The following HS1BP3 variants were observed in gnomAD, a reference collection of about 807,000 sequenced individuals.
HS1BP3 encodes HCLS1 binding protein 3.
Under a neutral mutation model 33.5 loss-of-function variants are expected in HS1BP3, and 32 were observed. The observed-to-expected ratio is 0.95, with a 90% CI of 0.72 to 1.28. HS1BP3 has a LOEUF of 1.28. HS1BP3 is among the 50% of genes most tolerant of loss of function. The pLI is 0.00. For synonymous variants in HS1BP3, 187 were observed against 209.2 expected, an observed-to-expected ratio of 0.89 and a Z score of 0.92; for missense variants, 486 against 502.3, an observed-to-expected ratio of 0.97 and a Z score of 0.31.
downstream of HS1BP3, among the ~76,000 whole-genome samples, chr2:20,589,681 G>T (rs191907463): frequency 4.6e-5 from 7 of 152,312 alleles, no homozygotes; most frequent in African/African-American, 1.7e-4. Flanking sequence ...AGATTCAGAG[G>T]ATAGAGAATT....
intron 5 of HS1BP3, among the ~76,000 whole-genome samples, chr2:20,564,199 A>G (rs541522901): frequency 1.3e-5 from 2 of 152,262 alleles, no homozygotes; most frequent in South Asian, 4.1e-4. Context: ...AAACCCCTCT[A>G]GTCTCTCTAA....
intron 5 of HS1BP3, among the ~76,000 whole-genome samples, chr2:20,570,182 GTT>G (rs11302203): frequency 5.9e-5 from 9 of 152,118 alleles, no homozygotes; most frequent in South Asian, 2.1e-4. Flanking sequence ...TGAAAAGAGA[GTT>G]TTTTTTCCCC....
At chr2:20,623,459 C>T (rs13003661) in intron 6 of HS1BP3, 46,137 of 154,470 alleles carry the variant, frequency 0.3, 7,345 homozygotes, top group Non-Finnish European at 0.37. Context: ...TGAAAGCTGC[C>T]GACCGGGCCC....
At chr2:20,631,502 G>C (rs1479528506) in intron 4 of HS1BP3, among the ~76,000 whole-genome samples, 1 of 85,138 alleles carries the variant, frequency 1.2e-5, no homozygotes. Flanking sequence ...AGGTAAAAGA[G>C]TAAGAACCTG....
intron 2 of HS1BP3, chr2:20,606,217 A>T (rs1051615352): frequency 2.4e-5 from 5 of 208,398 alleles, no homozygotes; most frequent in Non-Finnish European, 4.0e-5. Flanking sequence ...CACTGAGCAT[A>T]TTTTCTTTTT....
chr2:20,553,951 C>T, the HS1BP3 span, among the ~76,000 whole-genome samples: 81,139 of 152,042 alleles, frequency 0.53, 21,982 homozygotes, highest in East Asian at 0.65. Context: ...GATTCCTGGG[C>T]CAGGGATGAA....
At position 20,618,900 on chromosome 2, in the gene HS1BP3, G is replaced by A; in HGVS notation, c.*87C>T. Reference sequence around the variant, plus strand: ...CCTGGCCTCCCCTGGGGGTGGGGAGGTTCTGACCCTGCAGGGCCCAGTCCC... The same window carrying A: ...CCTGGCCTCCCCTGGGGGTGGGGAGATTCTGACCCTGCAGGGCCCAGTCCC... On this transcript the variant is annotated 3_prime_UTR_variant, in exon 7 of 7. Coordinates refer to ENST00000304031, the MANE Select transcript of HS1BP3 (RefSeq NM_022460.4). 2.7e-6 allele frequency: 4 copies of A among 1,494,644 alleles called. No individual in the cohort carries two copies. The highest frequency in any genetic ancestry group is 3.6e-6 in the Non-Finnish European group (4 of 1,123,704). 92.6% of individuals were successfully genotyped at this position (1,494,644 alleles called of 1,614,324 possible).
At chr2:20,576,388 C>T (rs190576618) in intron 5 of HS1BP3, among the ~76,000 whole-genome samples, 4 of 152,324 alleles carry the variant, frequency 2.6e-5, no homozygotes, top group Admixed American at 1.3e-4. Context: ...GGAACCTCAC[C>T]TCCTCTGAGA....
chr2:20,618,493 A>G lies in HS1BP3; in HGVS notation c.*494T>C. On this transcript the variant is annotated 3_prime_UTR_variant, in exon 7 of 7. Transcript: ENST00000304031. Reference sequence around the variant, plus strand: ...CCAGGCCCAGGCCAGTCAGTCACCCAGGCTACAGCTTAGGGTAGGGGAAGG... The same window carrying G: ...CCAGGCCCAGGCCAGTCAGTCACCCGGGCTACAGCTTAGGGTAGGGGAAGG... 6.2e-6 allele frequency: 1 copy of G among 161,536 alleles called. No individual in the cohort carries two copies. Among genetic ancestry groups the G allele is most frequent in the Non-Finnish European group, 1.3e-5 (1 of 75,994 alleles). 10.0% of individuals were successfully genotyped at this position (161,536 alleles called of 1,614,324 possible). A position where few individuals can be genotyped will look rare whatever the true frequency, so the allele number is the denominator to read the frequency against.
In HS1BP3 at chr2:20,645,504, G is replaced by A. The variant is rs750241786; in HGVS notation, c.34C>T (p.Arg12Ter). The change falls in exon 2 of 7, where the codon CGA (arginine) becomes TGA (stop). Residue 12 changes from arginine to a stop codon, truncating the protein, a stop_gained and splice_region_variant. Transcript: ENST00000304031. LOFTEE classifies it high-confidence loss of function. ...AGGCCAGTGTGGGCATTCTGAAGTC[G>A]CCTGCCAGGGGAAAAGAAGGCAGGT... The part of the protein sequence containing the change: ...QSPAVLVTSR[R>*]LQNAHTGLDL... 1.7e-5 allele frequency: 27 copies of A among 1,610,776 alleles called. No homozygotes were observed. The highest frequency in any genetic ancestry group is 1.3e-4 in the Admixed American group (8 of 59,720).
downstream of HS1BP3, chr2:20,560,345 C>G (rs868462595): frequency 4.6e-5 from 7 of 152,256 alleles, no homozygotes; most frequent in Middle Eastern, 3.2e-3. Context: ...TCACCTCTCA[C>G]CATACTGGAT....
At chr2:20,595,009 A>G (rs1165650633) in intron 3 of HS1BP3, among the ~76,000 whole-genome samples, 2 of 152,180 alleles carry the variant, frequency 1.3e-5, no homozygotes, top group Admixed American at 6.5e-5. Flanking sequence ...GAGTAAAAAA[A>G]CACTCAGATC....
downstream of HS1BP3, among the ~76,000 whole-genome samples, chr2:20,612,876 G>A (rs1403786654): frequency 6.6e-6 from 1 of 152,154 alleles, no homozygotes; most frequent in Non-Finnish European, 1.5e-5. Context: ...TTTACTTGTT[G>A]TAAAAACTGC....
downstream of HS1BP3, among the ~76,000 whole-genome samples, chr2:20,588,232 G>A (rs574643615): frequency 6.6e-6 from 1 of 152,194 alleles, no homozygotes; most frequent in Non-Finnish European, 1.5e-5. Flanking sequence ...TATCAAGCAT[G>A]TATTACTTCT....
intron 5 of HS1BP3, among the ~76,000 whole-genome samples, chr2:20,581,234 C>T (rs1388214839): frequency 6.6e-6 from 1 of 152,220 alleles, no homozygotes; most frequent in Non-Finnish European, 1.5e-5. Flanking sequence ...GCCTGACATT[C>T]CGAAGCCTTC....
At chr2:20,584,730 C>T (rs1201335394) in intron 5 of HS1BP3, among the ~76,000 whole-genome samples, 1 of 152,210 alleles carries the variant, frequency 6.6e-6, no homozygotes, top group Admixed American at 6.5e-5. Flanking sequence ...TTCCTGGGTC[C>T]TGCTCAGGCT....
downstream of HS1BP3, among the ~76,000 whole-genome samples, chr2:20,557,876 C>T (rs543897307): frequency 6.6e-6 from 1 of 152,310 alleles, no homozygotes; most frequent in East Asian, 1.9e-4. Flanking sequence ...CCCAAGGGGT[C>T]CTCAAAGCCT....
intron 3 of HS1BP3, among the ~76,000 whole-genome samples, chr2:20,595,625 C>A (rs1388017787): frequency 1.3e-5 from 2 of 152,236 alleles, no homozygotes; most frequent in African/African-American, 4.8e-5. Context: ...TGTGCTGCGG[C>A]CCTTCCTCGA....
At chr2:20,597,140 C>G (rs1036849379) in intron 3 of HS1BP3, among the ~76,000 whole-genome samples, 2 of 152,184 alleles carry the variant, frequency 1.3e-5, no homozygotes, top group Non-Finnish European at 2.9e-5. Context: ...GTTTACAGGC[C>G]AGAAGCAGCA....
Sources: gnomAD v4.1 joint callset for allele counts (sites outside exome capture counted in the v4.1 genomes callset) on GRCh38, gnomAD v4.1.1 for gene constraint, MANE v1.5 for transcripts, NCBI Gene and HGNC (gene_info 2026-07-23, HGNC 2026-07-21) for gene names.